Variants in SDK2 observed in about 807,000 individuals in gnomAD.
The protein encoded by SDK2 is sidekick cell adhesion molecule 2.
Under a neutral mutation model 253.9 loss-of-function variants are expected in SDK2, and 105 were observed. That is an observed-to-expected ratio of 0.41 (90% CI 0.35 to 0.49). SDK2 has a LOEUF of 0.49. Ranked by LOEUF, SDK2 falls within the 20% of genes least tolerant of loss-of-function variation. SDK2 has a pLI of 0.06. For synonymous variants in SDK2, 1,249 were observed against 1,234.9 expected (o/e 1.01, Z -0.24); for missense variants, 2,608 against 3,003.0 (o/e 0.87, Z 3.07).
At chr17:73,483,459 C>A (rs2063739834) in intron 2 of SDK2, among the ~76,000 whole-genome samples, 1 of 146,386 alleles carries the variant, frequency 6.8e-6, no homozygotes. Context: ...GATACGTGCA[C>A]CACCACACCT....
At chr17:73,611,408 C>T (rs1383287444) in intron 1 of SDK2, among the ~76,000 whole-genome samples, 1 of 152,230 alleles carries the variant, frequency 6.6e-6, no homozygotes. Flanking sequence ...ACTCAGAGGC[C>T]TCCAGGAGGC....
intron 37 of SDK2, among the ~76,000 whole-genome samples, chr17:73,366,398 G>A (rs952906587): frequency 3.9e-5 from 6 of 152,148 alleles, no homozygotes; most frequent in Admixed American, 6.5e-5. Flanking sequence ...TCTGGCCACC[G>A]TCAGACCCTG....
At chr17:73,356,862 A>G (rs2062596184) in intron 40 of SDK2, among the ~76,000 whole-genome samples, 1 of 152,246 alleles carries the variant, frequency 6.6e-6, no homozygotes, top group Non-Finnish European at 1.5e-5. Flanking sequence ...GGAACACCAG[A>G]GTCCCACGCT....
chr17:73,449,878 G>A (rs1205810179), intron 4 of SDK2, among the ~76,000 whole-genome samples: 1 of 151,926 alleles, frequency 6.6e-6, no homozygotes, highest in Non-Finnish European at 1.5e-5. Flanking sequence ...AGCCGAGGTC[G>A]CACCGTTGCA....
chr17:73,483,661 G>A (rs574072108), intron 2 of SDK2, among the ~76,000 whole-genome samples: 42 of 70,176 alleles, frequency 6.0e-4, no homozygotes, highest in African/African-American at 2.2e-3. Flanking sequence ...GTGTGTGTGT[G>A]TATATATATA....
chr17:73,443,379 A>C lies in SDK2; in HGVS notation c.614-2456T>G, dbSNP rs2063430200. 6.6e-6 allele frequency among the ~76,000 whole-genome samples: 1 copy of C among 152,284 alleles called. No individual in the cohort carries two copies. Among genetic ancestry groups the C allele is most frequent in the African/African-American group, 2.4e-5 (1 of 41,470 alleles). ...CGAGCGATCGGATTGAAAGCTGCTG[A>C]TATAGCTGAATCCATAAAAGTGTGC... On this transcript the variant is annotated intron_variant, in intron 5 of 44. Coordinates refer to ENST00000392650, the MANE Select transcript of SDK2 (RefSeq NM_001144952.2). This position sits in a 1 kb window ranked among gnomAD's most constrained non-coding sequence, Gnocchi z 4.6.
At position 73,390,148 on chromosome 17, in the gene SDK2, T is replaced by C. The variant is rs1452451734; in HGVS notation, c.4192+139A>G. 5.3e-6 allele frequency: 4 copies of C among 747,834 alleles called. No homozygotes were observed. The East Asian group carries it at 1.1e-4, about 20-fold the overall frequency. The allele number at this position is 747,834 out of a possible 1,614,324, so 46.3% of individuals were successfully genotyped here. A position where few individuals can be genotyped will look rare whatever the true frequency, so the allele number is the denominator to read the frequency against. ...TATTAGACCCCTTGCTGACTTTGAC[T>C]TCAGAGATTGGAGCCCACCTTCCAT... On this transcript the variant is annotated intron_variant, in intron 29 of 44. Transcript: ENST00000392650.
At chr17:73,551,283 G>A (rs1031525163) in intron 1 of SDK2, among the ~76,000 whole-genome samples, 2 of 152,182 alleles carry the variant, frequency 1.3e-5, no homozygotes, top group Middle Eastern at 3.2e-3. Context: ...ACCCCAGCCC[G>A]ATTCATCAAG....
At position 73,430,513 on chromosome 17, in the gene SDK2, G is replaced by A. The variant is rs756487634; in HGVS notation, c.1581C>T (p.Ile527=). 1 of 1,604,862 alleles carries A rather than the reference G, an allele frequency of 6.2e-7. No individual in the cohort carries two copies. The highest frequency in any genetic ancestry group is 8.5e-7 in the Non-Finnish European group (1 of 1,174,688). ...GGAGTCAACAGCAGAGCCAGTACCT[G>A]ATGGTTACTCGGGGGTCGTGGGTCA... The part of the protein sequence containing the change: ...CGVTHDPRVT[I]RYIWEKDGAT... The change falls in exon 12 of 45, where the codon ATC becomes ATT. Residue 527 remains isoleucine, a splice_region_variant and synonymous_variant. Transcript: ENST00000392650.
intron 1 of SDK2, chr17:73,641,164 G>A (rs908905114): frequency 6.6e-5 from 10 of 152,332 alleles, no homozygotes; most frequent in African/African-American, 2.4e-4. Flanking sequence ...ATTGGTGGGT[G>A]GCAGGGTACC....
intron 18 of SDK2, among the ~76,000 whole-genome samples, chr17:73,410,139 C>A (rs1242813317): frequency 1.3e-5 from 2 of 152,168 alleles, no homozygotes; most frequent in African/African-American, 4.8e-5. Flanking sequence ...CAGGCGTGAG[C>A]CACGGTGCCC....
chr17:73,365,326 G>A lies in SDK2; in HGVS notation c.5237C>T (p.Ala1746Val). ...TTTSVNVSWE[A>V]PQFPNGILEG... ...CAGGATGCCATTGGGGAACTGCGGG[G>A]CTTCCCAGGACACATTCACTGAGGT... Residue 1746 changes from alanine to valine, a missense_variant, in exon 38 of 45, where the codon GCC becomes GTC. Ala to Val is a moderately conservative substitution (Grantham distance 64). This residue lies in a region of SDK2 where 1,103 missense variants were observed against 1,143.9 expected (regional missense o/e 0.96). Transcript: ENST00000392650. 5.0e-6 allele frequency: 8 copies of A among 1,613,060 alleles called. No homozygotes were observed. The highest frequency in any genetic ancestry group is 6.8e-6 in the Non-Finnish European group (8 of 1,179,540).
At chr17:73,601,216 C>T (rs1489618203) in intron 1 of SDK2, among the ~76,000 whole-genome samples, 2 of 151,938 alleles carry the variant, frequency 1.3e-5, no homozygotes, top group Admixed American at 1.3e-4. Context: ...GACGGGGTTT[C>T]ACCATATTGG....
chr17:73,591,305 A>G (rs917766464), intron 1 of SDK2, among the ~76,000 whole-genome samples: 2 of 152,108 alleles, frequency 1.3e-5, no homozygotes, highest in African/African-American at 4.8e-5. Context: ...ATAAAACCCT[A>G]TGTCTCCTTT....
intron 39 of SDK2, among the ~76,000 whole-genome samples, chr17:73,359,609 G>C (rs2062624159): frequency 6.6e-6 from 1 of 152,194 alleles, no homozygotes; most frequent in Admixed American, 6.5e-5. Context: ...CCCGCCTGCA[G>C]ACCGCCCCCT....
chr17:73,570,458 T>C lies in SDK2; in HGVS notation c.65-62861A>G, dbSNP rs1257270843. ...GTGAGCAGTTGGTGCCGCTTTGCCATTTGCCACTAGATTAGCCCAAAAATC... is the reference window on the plus strand; with the variant it reads ...GTGAGCAGTTGGTGCCGCTTTGCCACTTGCCACTAGATTAGCCCAAAAATC... On this transcript the variant is annotated intron_variant, in intron 1 of 44. Coordinates refer to ENST00000392650, the MANE Select transcript of SDK2 (RefSeq NM_001144952.2). This position sits in a 1 kb window ranked among gnomAD's most constrained non-coding sequence, Gnocchi z 4.2. Among the ~76,000 whole-genome samples, 2 of 152,032 alleles carry C rather than the reference T, an allele frequency of 1.3e-5. No individual in the cohort carries two copies. The highest frequency in any genetic ancestry group is 2.4e-5 in the African/African-American group (1 of 41,378).
intron 29 of SDK2, among the ~76,000 whole-genome samples, chr17:73,390,015 C>T (rs2062913669): frequency 6.6e-6 from 1 of 152,234 alleles, no homozygotes; most frequent in Non-Finnish European, 1.5e-5. Flanking sequence ...TCCCAAAGTG[C>T]TGGGATTACA....
At chr17:73,495,619 CGT>C (rs60091992) in intron 2 of SDK2, among the ~76,000 whole-genome samples, 3,019 of 147,968 alleles carry the variant, frequency 0.02, 93 homozygotes, top group African/African-American at 0.066. Flanking sequence ...AGGCCTGCCC[CGT>C]GTGTGTGTGT....
chr17:73,547,143 T>C (rs2044978693), intron 1 of SDK2, among the ~76,000 whole-genome samples: 1 of 152,184 alleles, frequency 6.6e-6, no homozygotes. Flanking sequence ...CAGCTGCAAG[T>C]GATATAGTCA....
Sources: gnomAD v4.1 joint callset for allele counts (sites outside exome capture counted in the v4.1 genomes callset) on GRCh38, gnomAD v4.1.1 for gene constraint, gnomAD v4.1.1 regional missense constraint, Gnocchi (gnomAD v3.1) non-coding constraint, MANE v1.5 for transcripts, NCBI Gene and HGNC (gene_info 2026-07-23, HGNC 2026-07-21) for gene names.